The following PTPRM variants were observed in gnomAD, a reference collection of about 807,000 sequenced individuals.
PTPRM encodes the protein receptor-type tyrosine-protein phosphatase mu.
In PTPRM, 47 loss-of-function variants were observed where a neutral mutation model predicts 186.7. The observed-to-expected ratio is 0.25, with a 90% confidence interval of 0.20 to 0.32. The LOEUF is 0.32. Among genes scored for constraint, PTPRM ranks in the 10% least tolerant of loss-of-function variants. PTPRM has a pLI of 1.00. For synonymous variants in PTPRM, 668 were observed against 674.9 expected (o/e 0.99, Z 0.16); for missense variants, 1,494 against 1,865.0 (o/e 0.80, Z 3.66).
intron 4 of PTPRM, among the ~76,000 whole-genome samples, chr18:7,915,607 T>A (rs1315802204): frequency 2.0e-5 from 3 of 152,342 alleles, no homozygotes; most frequent in Non-Finnish European, 4.4e-5. Context: ...CTTGGCTTCA[T>A]CAACTTGTTT....
rs74385635 is a variant in PTPRM at position 8,224,664 on chromosome 18, A to G, written c.2301-19394A>G. On this transcript the variant is annotated intron_variant, in intron 14 of 32. Coordinates refer to ENST00000580170, the MANE Select transcript of PTPRM (RefSeq NM_001105244.2). ...ATTCATTTGTGACCCAGGGCAAGTC[A>G]CATAACCTTTTATATATGATTCCTT... Among the ~76,000 whole-genome samples, 1,182 of 152,344 alleles carry G rather than the reference A, an allele frequency of 7.8e-3. 18 individuals are homozygous for G. Among genetic ancestry groups the G allele is most frequent in the African/African-American group, 0.027 (1,128 of 41,576 alleles).
In PTPRM at chr18:8,116,830, C is replaced by T. The variant is rs529736694; in HGVS notation, c.2167+2003C>T. 1.1e-4 allele frequency among the ~76,000 whole-genome samples: 17 copies of T among 152,198 alleles called. No homozygotes were observed. The East Asian group carries it at 3.3e-3, about 29-fold the overall frequency. ...AAAGGATGATTAAGCAATCAGATGA[C>T]CTGATTGACTAAATATTCCCCACTC... On this transcript the variant is annotated intron_variant, in intron 13 of 32. Transcript: ENST00000580170.
intron 19 of PTPRM, among the ~76,000 whole-genome samples, chr18:8,281,552 C>A (rs2094904488): frequency 6.6e-6 from 1 of 152,150 alleles, no homozygotes; most frequent in South Asian, 2.1e-4. Context: ...TGCTTGACTG[C>A]ACCATAAACT....
At chr18:7,906,150 G>A (rs1367355929) in intron 3 of PTPRM, among the ~76,000 whole-genome samples, 2 of 152,112 alleles carry the variant, frequency 1.3e-5, no homozygotes, top group African/African-American at 4.8e-5. Context: ...CACCCAAGCA[G>A]CTTACCCACC....
intron 19 of PTPRM, among the ~76,000 whole-genome samples, chr18:8,288,800 G>A (rs557361436): frequency 6.6e-6 from 1 of 152,338 alleles, no homozygotes. Context: ...TGGGAAGAAA[G>A]GGGACTTTTG....
intron 11 of PTPRM, among the ~76,000 whole-genome samples, chr18:8,111,537 C>T (rs569161103): frequency 6.6e-6 from 1 of 151,942 alleles, no homozygotes; most frequent in Admixed American, 6.6e-5. Flanking sequence ...GGCGTGAACC[C>T]AGGAGGCAGA....
chr18:8,191,282 G>T (rs2093706024), intron 14 of PTPRM, among the ~76,000 whole-genome samples: 1 of 152,128 alleles, frequency 6.6e-6, no homozygotes, highest in African/African-American at 2.4e-5. Context: ...TTAGTTTAAG[G>T]CAGAGATTGG....
At chr18:7,939,422 A>G (rs1294123555) in intron 5 of PTPRM, among the ~76,000 whole-genome samples, 1 of 152,234 alleles carries the variant, frequency 6.6e-6, no homozygotes, top group African/African-American at 2.4e-5. Context: ...AAGACTTAAT[A>G]TGTATCTTTT....
At chr18:7,816,543 T>G (rs1046830020) in intron 2 of PTPRM, among the ~76,000 whole-genome samples, 1 of 152,156 alleles carries the variant, frequency 6.6e-6, no homozygotes, top group African/African-American at 2.4e-5. Flanking sequence ...TCTACATTCG[T>G]TAGTATTGTG....
At chr18:7,592,806 G>C (rs2037161342) in intron 1 of PTPRM, among the ~76,000 whole-genome samples, 1 of 152,240 alleles carries the variant, frequency 6.6e-6, no homozygotes, top group African/African-American at 2.4e-5. Flanking sequence ...GCAGGTGTGT[G>C]TGTGCACATT....
intron 14 of PTPRM, among the ~76,000 whole-genome samples, chr18:8,217,246 T>C (rs1041083382): frequency 1.3e-5 from 2 of 151,254 alleles, no homozygotes; most frequent in African/African-American, 4.8e-5. Context: ...CTGAAACAGA[T>C]TGAAGTTGGC....
At chr18:7,599,304 T>C (rs1174563371) in intron 1 of PTPRM, among the ~76,000 whole-genome samples, 1 of 152,194 alleles carries the variant, frequency 6.6e-6, no homozygotes, top group Non-Finnish European at 1.5e-5. Context: ...AAAAAATGGC[T>C]CACTACCCCT....
At chr18:8,242,375 G>A (rs1568587964) in intron 14 of PTPRM, among the ~76,000 whole-genome samples, 1 of 152,322 alleles carries the variant, frequency 6.6e-6, no homozygotes, top group South Asian at 2.1e-4. Context: ...AAGAGAAAAT[G>A]TATTATTGTA....
chr18:8,063,204 G>A (rs1179069287), intron 7 of PTPRM, among the ~76,000 whole-genome samples: 1 of 151,262 alleles, frequency 6.6e-6, no homozygotes, highest in African/African-American at 2.5e-5. Context: ...GTATTCGGGT[G>A]GGAGTGACCC....
At chr18:7,730,262 C>T (rs757756386) in intron 1 of PTPRM, among the ~76,000 whole-genome samples, 6 of 152,132 alleles carry the variant, frequency 3.9e-5, no homozygotes, top group South Asian at 2.1e-4. Context: ...TTCTCTGTTA[C>T]GTACTGGATG....
intron 13 of PTPRM, among the ~76,000 whole-genome samples, chr18:8,117,929 T>A (rs1365978778): frequency 6.6e-6 from 1 of 152,228 alleles, no homozygotes; most frequent in Non-Finnish European, 1.5e-5. Flanking sequence ...GATTTTTTTA[T>A]GACCATTTGG....
At chr18:8,064,486 CAG>C (rs1275055527) in intron 7 of PTPRM, among the ~76,000 whole-genome samples, 1 of 151,894 alleles carries the variant, frequency 6.6e-6, no homozygotes, top group Non-Finnish European at 1.5e-5. Flanking sequence ...TGAAGAAAAA[CAG>C]ATTGTTTCCA....
chr18:7,886,293 A>G (rs1233590481), intron 2 of PTPRM, among the ~76,000 whole-genome samples: 1 of 152,194 alleles, frequency 6.6e-6, no homozygotes, highest in African/African-American at 2.4e-5. Flanking sequence ...GCATGTTTTG[A>G]AGATTTTTTA....
intron 14 of PTPRM, among the ~76,000 whole-genome samples, chr18:8,160,689 A>C (rs979827130): frequency 6.6e-6 from 1 of 152,102 alleles, no homozygotes; most frequent in African/African-American, 2.4e-5. Context: ...AAATATCTAG[A>C]CTTCCGTCTT....
Sources: gnomAD v4.1 joint callset for allele counts (sites outside exome capture counted in the v4.1 genomes callset) on GRCh38, gnomAD v4.1.1 for gene constraint, MANE v1.5 for transcripts, NCBI Gene and HGNC (gene_info 2026-07-23, HGNC 2026-07-21) for gene names.